Variants in DLC1 observed in about 807,000 individuals in gnomAD.
DLC1 encodes the protein DLC1 Rho GTPase activating protein.
DLC1 carries 54 observed loss-of-function variants against 140.3 expected under a neutral mutation model. That is an observed-to-expected ratio of 0.38 (90% CI 0.31 to 0.48). The LOEUF is 0.48. Among genes scored for constraint, DLC1 ranks in the 20% least tolerant of loss-of-function variants. The pLI is 0.96. For synonymous variants in DLC1, 986 were observed against 728.1 expected, an observed-to-expected ratio of 1.35 and a Z score of -5.70; for missense variants, 2,536 against 1,907.0, an observed-to-expected ratio of 1.33 and a Z score of -6.14.
chr8:13,248,389 T>C (rs1293146363), intron 5 of DLC1, among the ~76,000 whole-genome samples: 1 of 102,704 alleles, frequency 9.7e-6, no homozygotes, highest in Non-Finnish European at 2.1e-5. Context: ...AAAGACTCTC[T>C]GACTCTGAGA....
chr8:13,132,225 G>A (rs1822162979), intron 5 of DLC1, among the ~76,000 whole-genome samples: 1 of 151,716 alleles, frequency 6.6e-6, no homozygotes, highest in Non-Finnish European at 1.5e-5. Flanking sequence ...GTGTGTGTGT[G>A]TGTGTGTGTG....
At chr8:13,304,594 C>G (rs1001412497) in intron 5 of DLC1, 2 of 773,248 alleles carry the variant, frequency 2.6e-6, no homozygotes, top group African/African-American at 1.9e-5. Flanking sequence ...TGTCTACAAA[C>G]TAAGTGATGT....
intron 2 of DLC1, among the ~76,000 whole-genome samples, chr8:13,414,086 G>A (rs1356684614): frequency 3.3e-5 from 5 of 151,908 alleles, no homozygotes; most frequent in Admixed American, 1.3e-4. Context: ...CCACAAACAC[G>A]AAAAAGCTCC....
intron 2 of DLC1, among the ~76,000 whole-genome samples, chr8:13,456,953 T>C (rs1038328039): frequency 6.6e-6 from 1 of 152,232 alleles, no homozygotes; most frequent in Admixed American, 6.5e-5. Context: ...TGGTGCCCTC[T>C]TATTTTGTAG....
At chr8:13,309,386 C>T (rs1296028882) in intron 4 of DLC1, among the ~76,000 whole-genome samples, 1 of 152,160 alleles carries the variant, frequency 6.6e-6, no homozygotes, top group Admixed American at 6.5e-5. Flanking sequence ...CTCCCAACCA[C>T]TCCAACCCTC....
At chr8:13,370,861 G>A (rs1269845128) in intron 4 of DLC1, among the ~76,000 whole-genome samples, 2 of 152,074 alleles carry the variant, frequency 1.3e-5, no homozygotes, top group Non-Finnish European at 2.9e-5. Context: ...ACTAGCTTAG[G>A]ACGAGTGGAT....
rs1799492881 is a variant in DLC1 at position 13,458,081 on chromosome 8, A to C, written c.1023+40968T>G. On this transcript the variant is annotated intron_variant, in intron 2 of 17. Coordinates refer to ENST00000276297, the MANE Select transcript of DLC1 (RefSeq NM_182643.3). ...TTAAAGGCTCTCAGTGCTAGAATCT[A>C]AAGCAATCAGTACGGAATCCATTTT... is the stretch of plus-strand genomic sequence containing the variant. 2.0e-5 allele frequency among the ~76,000 whole-genome samples: 3 copies of C among 152,200 alleles called. No individual in the cohort carries two copies. The South Asian group carries it at 6.2e-4, about 32-fold the overall frequency.
At chr8:13,250,284 T>C (rs1487729299) in intron 5 of DLC1, among the ~76,000 whole-genome samples, 1 of 152,208 alleles carries the variant, frequency 6.6e-6, no homozygotes, top group African/African-American at 2.4e-5. Context: ...ATTGTCCCCA[T>C]CTGCTCCACT....
intron 5 of DLC1, among the ~76,000 whole-genome samples, chr8:13,297,842 C>A (rs1008644994): frequency 6.6e-6 from 1 of 151,980 alleles, no homozygotes; most frequent in Non-Finnish European, 1.5e-5. Context: ...AGACTGGGAA[C>A]AGTGGAAGTG....
chr8:13,390,764 G>A (rs1245220950), intron 4 of DLC1, among the ~76,000 whole-genome samples: 1 of 152,120 alleles, frequency 6.6e-6, no homozygotes, highest in Non-Finnish European at 1.5e-5. Flanking sequence ...GAGGCGGGTG[G>A]ATCATGAGGT....
chr8:13,471,559 G>A (rs1024800766), intron 2 of DLC1, among the ~76,000 whole-genome samples: 5 of 151,688 alleles, frequency 3.3e-5, no homozygotes, highest in Non-Finnish European at 5.9e-5. Flanking sequence ...AAAATAGAAA[G>A]AGAAGGAAAA....
chr8:13,294,779 T>A (rs1831884104), intron 5 of DLC1, among the ~76,000 whole-genome samples: 1 of 152,190 alleles, frequency 6.6e-6, no homozygotes, highest in Admixed American at 6.5e-5. Context: ...GTTGTCTGCA[T>A]TGCTGGCTTT....
chr8:13,122,277 T>C (rs10108207), intron 5 of DLC1, among the ~76,000 whole-genome samples: 25,744 of 152,118 alleles, frequency 0.17, 2,344 homozygotes, highest in Middle Eastern at 0.26. Context: ...CACTCAACTC[T>C]TGGAAGGCCT....
At position 13,092,843 on chromosome 8, in the gene DLC1, T is replaced by G; in HGVS notation, c.3527-18A>C. 6.2e-7 allele frequency: 1 copy of G among 1,605,186 alleles called. No homozygotes were observed. Among genetic ancestry groups the G allele is most frequent in the Non-Finnish European group, 8.5e-7 (1 of 1,174,280 alleles). On this transcript the variant is annotated intron_variant, in intron 12 of 17. Transcript: ENST00000276297. ...GGGCACATCTGCACGACACCAGCAC[T>G]TTCTCCATCAGCTTGGTGAATTTGC...
chr8:13,466,222 G>A (rs1016746548), intron 2 of DLC1, among the ~76,000 whole-genome samples: 2 of 152,134 alleles, frequency 1.3e-5, no homozygotes, highest in Non-Finnish European at 2.9e-5. Context: ...TCATCCACAG[G>A]TCACTTCCTC....
chr8:13,581,029 G>A (rs1805076112), intron 1 of DLC1, among the ~76,000 whole-genome samples: 1 of 152,202 alleles, frequency 6.6e-6, no homozygotes, highest in Admixed American at 6.5e-5. Context: ...AGAAGAGAAA[G>A]CGGTGAAACC....
chr8:13,418,536 G>A lies in DLC1; in HGVS notation c.1024-16917C>T, dbSNP rs550827384. Among the ~76,000 whole-genome samples the A allele has an allele frequency of 9.9e-5, 15 of 152,130 alleles. No homozygotes were observed. In the East Asian group the frequency reaches 1.2e-3, roughly 12 times the overall value. On this transcript the variant is annotated intron_variant, in intron 2 of 17. Coordinates refer to ENST00000276297, the MANE Select transcript of DLC1 (RefSeq NM_182643.3). ...GATCAGATAGTTGTAGATAAGCAGCGTTATTTCTGAGGGCTCTGTTGTGTT... is the reference window on the plus strand; with the variant it reads ...GATCAGATAGTTGTAGATAAGCAGCATTATTTCTGAGGGCTCTGTTGTGTT...
At position 13,100,519 on chromosome 8, in the gene DLC1, G is replaced by A. The variant is rs561597944; in HGVS notation, c.1818C>T (p.His606=). 17 of 1,612,606 alleles carry A rather than the reference G, an allele frequency of 1.1e-5. No homozygotes were observed. The highest frequency in any genetic ancestry group is 1.0e-4 in the Admixed American group (6 of 60,016). The change falls in exon 9 of 18, where the codon CAC becomes CAT. Residue 606 remains histidine (H), a synonymous_variant. Transcript: ENST00000276297. ...SLSSTGSLPS[H]APPSEDAATP... is the part of the protein sequence containing the mutation. ...TGGCAGCATCCTCGCTGGGGGGCGCGTGGCTGGGGAGGCTGCCAGTGCTGC... is the reference window on the plus strand; with the variant it reads ...TGGCAGCATCCTCGCTGGGGGGCGCATGGCTGGGGAGGCTGCCAGTGCTGC...
At chr8:13,210,910 T>C (rs1827905689) in intron 5 of DLC1, among the ~76,000 whole-genome samples, 1 of 152,198 alleles carries the variant, frequency 6.6e-6, no homozygotes, top group African/African-American at 2.4e-5. Flanking sequence ...ATTTCATCTG[T>C]AGGAATAGAA....
Sources: allele counts gnomAD v4.1 joint callset (sites outside exome capture counted in the v4.1 genomes callset), GRCh38; gene constraint gnomAD v4.1.1; transcripts MANE v1.5; gene names NCBI Gene and HGNC (gene_info 2026-07-23, HGNC 2026-07-21).